MARK3: variants seen among roughly 807,000 people sequenced by gnomAD.
MARK3 encodes the protein MAP/microtubule affinity-regulating kinase 3.
MARK3 carries 46 observed loss-of-function variants against 90.1 expected under a neutral mutation model. The ratio of observed to expected loss-of-function variants is 0.51; its 90% CI spans 0.40 to 0.65. MARK3 has a LOEUF of 0.65. MARK3 is among the 30% of genes least tolerant of loss of function. The pLI is 0.00. For synonymous variants in MARK3, 321 were observed against 332.6 expected (o/e 0.97, Z 0.38); for missense variants, 818 against 947.2 (o/e 0.86, Z 1.79).
Position 103,451,968 on chromosome 14 carries a change from G to C in MARK3, c.397G>C (p.Glu133Gln). Residue 133 changes from glutamate (E) to glutamine (Q), a missense_variant, in exon 5 of 18, where the codon GAA (glutamate) becomes CAA (glutamine). This residue lies in a region of MARK3 where 101 missense variants were observed against 175.1 expected (regional missense o/e 0.58). Coordinates refer to ENST00000429436, the MANE Select transcript of MARK3 (RefSeq NM_001128918.3). Reference protein sequence around the residue: ...ETEKTLYLIMEYASGGEVFDY... With the variant: ...ETEKTLYLIMQYASGGEVFDY... ...TGAAAAAACACTCTACCTAATCATG[G>C]AATATGCAAGTGGAGGTAAGAACAT... The C allele has an allele frequency of 6.2e-7, 1 of 1,609,822 alleles. No individual in the cohort carries two copies. The highest frequency in any genetic ancestry group is 8.5e-7 in the Non-Finnish European group (1 of 1,177,270).
intron 2 of MARK3, among the ~76,000 whole-genome samples, chr14:103,414,824 G>A (rs149980192): frequency 1.3e-5 from 2 of 152,234 alleles, no homozygotes; most frequent in African/African-American, 4.8e-5. Context: ...TCACAAGGAT[G>A]TCGTGAACAT....
chr14:103,389,818 C>A (rs1206525183), intron 1 of MARK3, among the ~76,000 whole-genome samples: 11 of 151,538 alleles, frequency 7.3e-5, no homozygotes, highest in African/African-American at 2.4e-4. Flanking sequence ...GTGGCGGGCA[C>A]CTGTAATCCC....
intron 2 of MARK3, among the ~76,000 whole-genome samples, chr14:103,422,399 G>C (rs1208711682): frequency 6.6e-6 from 1 of 152,204 alleles, no homozygotes; most frequent in Non-Finnish European, 1.5e-5. Flanking sequence ...AGGTTGCAGT[G>C]AGCCAAGATC....
chr14:103,438,223 G>T (rs1157057472), intron 3 of MARK3, among the ~76,000 whole-genome samples: 1 of 151,970 alleles, frequency 6.6e-6, no homozygotes, highest in African/African-American at 2.4e-5. Context: ...GGCTGGTCTG[G>T]AACTCCCGAC....
At chr14:103,388,331 G>A (rs995577438) in intron 1 of MARK3, among the ~76,000 whole-genome samples, 1 of 152,162 alleles carries the variant, frequency 6.6e-6, no homozygotes, top group Admixed American at 6.5e-5. Flanking sequence ...TTTAACTCTT[G>A]CATTGGCATG....
At chr14:103,404,414 C>T (rs938584165) in intron 1 of MARK3, among the ~76,000 whole-genome samples, 3 of 152,104 alleles carry the variant, frequency 2.0e-5, no homozygotes, top group Non-Finnish European at 2.9e-5. Flanking sequence ...AGGATGCCTG[C>T]GCATACAGCC....
intron 3 of MARK3, among the ~76,000 whole-genome samples, chr14:103,438,040 G>A (rs1364452824): frequency 6.6e-6 from 1 of 151,990 alleles, no homozygotes; most frequent in Admixed American, 6.6e-5. Context: ...TGCTCTTGTT[G>A]CCCAGGCTGG....
rs555075109 is a variant in MARK3 at position 103,423,272 on chromosome 14, A to C, written c.244-5115A>C. The stretch of plus-strand genomic sequence containing the variant: ...ACACTTTCAGAAACAGGGTGTTAGG[A>C]TCTTTTGACCGTTGGTGAACCAACA... On this transcript the variant is annotated intron_variant, in intron 2 of 17. Transcript: ENST00000429436. 6.9e-5 allele frequency among the ~76,000 whole-genome samples: 10 copies of C among 145,058 alleles called. No homozygotes were observed. In the South Asian group the frequency reaches 2.0e-3, roughly 29 times the overall value.
At chr14:103,441,240 A>C (rs1191433219) in intron 3 of MARK3, among the ~76,000 whole-genome samples, 1 of 151,968 alleles carries the variant, frequency 6.6e-6, no homozygotes, top group African/African-American at 2.4e-5. Flanking sequence ...TACATTTATC[A>C]GTCTTTTTTT....
intron 1 of MARK3, chr14:103,386,331 C>A: frequency 1.4e-6 from 1 of 694,704 alleles, no homozygotes; most frequent in East Asian, 2.7e-5. Flanking sequence ...CCAGGAGTTG[C>A]AGCGTTACGG....
chr14:103,467,400 C>T (rs1256661275), intron 11 of MARK3: 2 of 333,358 alleles, frequency 6.0e-6, no homozygotes, highest in South Asian at 4.9e-5. Flanking sequence ...CGTGGTGGCT[C>T]ATGCCTGTAA....
At chr14:103,436,105 G>A (rs2092710379) in intron 3 of MARK3, among the ~76,000 whole-genome samples, 1 of 152,088 alleles carries the variant, frequency 6.6e-6, no homozygotes, top group Non-Finnish European at 1.5e-5. Context: ...TAGCCAGGCT[G>A]GTCTCGAACT....
chr14:103,498,723 G>C, intron 16 of MARK3, 195 bp downstream of exon 16: 2 of 387,866 alleles, frequency 5.2e-6, no homozygotes, highest in Non-Finnish European at 8.5e-6. Flanking sequence ...AAGGGACTAT[G>C]GTACCCATGC....
chr14:103,496,190 G>A lies in MARK3; in HGVS notation c.1845-2312G>A, dbSNP rs191455043. ...AGTGTGAAGGCCTCCTCCTGCAGCTGCCTCCTTCCTCTTTATACCTCAAGG... is the reference window on the plus strand; with the variant it reads ...AGTGTGAAGGCCTCCTCCTGCAGCTACCTCCTTCCTCTTTATACCTCAAGG... On this transcript the variant is annotated intron_variant, in intron 15 of 17. Transcript: ENST00000429436. Among the ~76,000 whole-genome samples, 17 of 152,340 alleles carry A rather than the reference G, an allele frequency of 1.1e-4. No homozygotes were observed. The East Asian group carries it at 3.3e-3, about 29-fold the overall frequency.
intron 2 of MARK3, among the ~76,000 whole-genome samples, chr14:103,406,209 C>G (rs1370394347): frequency 6.8e-6 from 1 of 147,564 alleles, no homozygotes; most frequent in Non-Finnish European, 1.5e-5. Flanking sequence ...TAAGCTTTTT[C>G]TTTTTTGGGG....
chr14:103,458,188 T>C lies in MARK3; in HGVS notation c.483+976T>C, dbSNP rs571255515. Reference sequence around the variant, plus strand: ...AGAAGCAGTCGTAGGCTGGGTGCGATGGCTCATGCCTGTAATCCCAGCACT... The same window carrying C: ...AGAAGCAGTCGTAGGCTGGGTGCGACGGCTCATGCCTGTAATCCCAGCACT... On this transcript the variant is annotated intron_variant, in intron 6 of 17. Coordinates refer to ENST00000429436, the MANE Select transcript of MARK3 (RefSeq NM_001128918.3). Among the ~76,000 whole-genome samples the C allele has an allele frequency of 7.9e-5, 12 of 152,322 alleles. No homozygotes were observed. In the South Asian group the frequency reaches 2.5e-3, roughly 32 times the overall value.
intron 2 of MARK3, among the ~76,000 whole-genome samples, chr14:103,426,832 C>T (rs1188339962): frequency 6.6e-6 from 1 of 151,760 alleles, no homozygotes; most frequent in East Asian, 1.9e-4. Context: ...GGTTAGCCCA[C>T]AGATTGGTTT....
chr14:103,444,086 CTT>C (rs10676381), intron 3 of MARK3, among the ~76,000 whole-genome samples: 35,307 of 116,230 alleles, frequency 0.3, 5,614 homozygotes, highest in Admixed American at 0.37. Context: ...GTAAAATTGT[CTT>C]TTTTTTTTTT....
chr14:103,446,253 G>A (rs554594643), intron 3 of MARK3, among the ~76,000 whole-genome samples: 11 of 152,278 alleles, frequency 7.2e-5, no homozygotes, highest in South Asian at 4.1e-4. Flanking sequence ...GTGGCCAGGC[G>A]CGGTGGCTCA....
Sources: gnomAD v4.1 joint callset for allele counts (sites outside exome capture counted in the v4.1 genomes callset) on GRCh38, gnomAD v4.1.1 for gene constraint, gnomAD v4.1.1 regional missense constraint, MANE v1.5 for transcripts, NCBI Gene and HGNC (gene_info 2026-07-23, HGNC 2026-07-21) for gene names.